PLEKHG4B: variants seen among roughly 807,000 people sequenced by gnomAD.
PLEKHG4B encodes pleckstrin homology and RhoGEF domain containing G4B.
In PLEKHG4B, 111 loss-of-function variants were observed where a neutral mutation model predicts 121.3. That is an observed-to-expected ratio of 0.92 (90% confidence interval 0.78 to 1.07). The LOEUF (loss-of-function observed/expected upper bound fraction) is 1.07, where lower values mean the gene tolerates loss of function less well. PLEKHG4B is among the 50% of genes least tolerant of loss of function. The pLI is 0.00. For missense variants in PLEKHG4B, 1,831 were observed against 1,757.8 expected (o/e 1.04, Z -0.74); for synonymous variants, 738 against 725.0 (o/e 1.02, Z -0.29).
chr5:161,231 C>T (rs986889064), intron 11 of PLEKHG4B, among the ~76,000 whole-genome samples: 1 of 152,264 alleles, frequency 6.6e-6, no homozygotes, highest in Non-Finnish European at 1.5e-5. Flanking sequence ...CCAGGGGCTC[C>T]CCCATCTTTC....
intron 2 of PLEKHG4B, among the ~76,000 whole-genome samples, chr5:126,967 G>A (rs377573291): frequency 2.4e-4 from 36 of 152,294 alleles, no homozygotes; most frequent in African/African-American, 8.2e-4. Flanking sequence ...TACATAGTGT[G>A]CGGGTCGGGG....
chr5:141,749 T>C (rs549220326), intron 3 of PLEKHG4B, among the ~76,000 whole-genome samples: 2 of 147,318 alleles, frequency 1.4e-5, no homozygotes, highest in Admixed American at 6.8e-5. Flanking sequence ...AGAAATATCC[T>C]GTGAGTAACA....
rs1292159443 is a variant in PLEKHG4B at position 183,991 on chromosome 5, C to CGATCGATAGATAGATAGATA, written c.*1671_*1672insCGATAGATAGATAGATAGAT. 6.3e-3 allele frequency: 664 copies of CGATCGATAGATAGATAGATA among 104,696 alleles called. 8 individuals carry two copies. Among genetic ancestry groups the CGATCGATAGATAGATAGATA allele is most frequent in the African/African-American group, 0.018 (614 of 34,216 alleles). The allele number at this position is 104,696 out of a possible 1,614,324, so 6.5% of individuals were successfully genotyped here. ...CAGACAGATAGATAGATAGATAGATCGATAGATAGATAGATAGATAGATAG... is the reference window on the plus strand; with the variant it reads ...CAGACAGATAGATAGATAGATAGATCGATCGATAGATAGATAGATAGATAGATAGATAGATAGATAGATAG... On this transcript the variant is annotated 3_prime_UTR_variant, in exon 20 of 20. Transcript: ENST00000637938.
At chr5:158,536 G>T in intron 11 of PLEKHG4B, among the ~76,000 whole-genome samples, 1 of 143,624 alleles carries the variant, frequency 7.0e-6, no homozygotes, top group Non-Finnish European at 1.5e-5. Context: ...CATCCCAGGG[G>T]GTCTCCCCCA....
chr5:170,705 C>T (rs754119053), intron 14 of PLEKHG4B, among the ~76,000 whole-genome samples: 1 of 152,152 alleles, frequency 6.6e-6, no homozygotes, highest in Non-Finnish European at 1.5e-5. Flanking sequence ...TGGCCATGGA[C>T]CAAATCATTC....
intron 1 of PLEKHG4B, among the ~76,000 whole-genome samples, chr5:105,635 G>A (rs1437645665): frequency 2.6e-5 from 4 of 152,250 alleles, no homozygotes; most frequent in Non-Finnish European, 5.9e-5. Flanking sequence ...CTTTTCGTTT[G>A]AAGTTGGTTT....
At chr5:151,187 C>T (rs575589596) in intron 6 of PLEKHG4B, among the ~76,000 whole-genome samples, 1 of 152,262 alleles carries the variant, frequency 6.6e-6, no homozygotes, top group East Asian at 1.9e-4. Flanking sequence ...CGAAGAGGCA[C>T]AAGAGAATTT....
At position 155,077 on chromosome 5, in the gene PLEKHG4B, G is replaced by T. The variant is rs939859212; in HGVS notation, c.2109+86G>T. Reference sequence around the variant, plus strand: ...TTGTTTTTACTAGAATTTGAAAAGGGCATCACCGTCCCTGATCTGATGCTT... The same window carrying T: ...TTGTTTTTACTAGAATTTGAAAAGGTCATCACCGTCCCTGATCTGATGCTT... On this transcript the variant is annotated intron_variant, in intron 8 of 19. Transcript: ENST00000637938. 5.1e-6 allele frequency: 6 copies of T among 1,173,644 alleles called. No individual in the cohort carries two copies. The African/African-American group carries it at 7.5e-5, about 15-fold the overall frequency. 72.7% of individuals were successfully genotyped at this position (1,173,644 alleles called of 1,614,324 possible). A position where few individuals can be genotyped will look rare whatever the true frequency, so the allele number is the denominator to read the frequency against.
In PLEKHG4B at chr5:140,743, C is replaced by T. The variant is rs376647847; in HGVS notation, c.1477+27C>T. On this transcript the variant is annotated intron_variant, in intron 3 of 19. Transcript: ENST00000637938. ...TAAATGCTCCCCACGCCCTCCCCTGCGCACCCCCACAACCTCCCCTACACA... is the reference window on the plus strand; with the variant it reads ...TAAATGCTCCCCACGCCCTCCCCTGTGCACCCCCACAACCTCCCCTACACA... The T allele has an allele frequency of 4.6e-5, 69 of 1,513,284 alleles. 1 individual carries two copies. Among genetic ancestry groups the T allele is most frequent in the Middle Eastern group, 4.4e-4 (2 of 4,584 alleles). The allele number at this position is 1,513,284 out of a possible 1,614,324, so 93.7% of individuals were successfully genotyped here.
At chr5:150,161 C>G (rs1013741977) in intron 6 of PLEKHG4B, among the ~76,000 whole-genome samples, 7 of 152,184 alleles carry the variant, frequency 4.6e-5, no homozygotes, top group African/African-American at 1.7e-4. Flanking sequence ...CCTATCTTTA[C>G]GATGGAATAT....
Position 182,163 on chromosome 5 carries a change from C to G in PLEKHG4B, c.4724C>G (p.Ala1575Gly), listed in dbSNP as rs114618936. ...SLGLLVSSSP[A>G]HPGLWSPAHS... Reference sequence around the variant, plus strand: ...GGCCTGCTTGTGTCCTCCAGCCCAGCCCACCCGGGCCTATGGAGCCCTGCC... The same window carrying G: ...GGCCTGCTTGTGTCCTCCAGCCCAGGCCACCCGGGCCTATGGAGCCCTGCC... The change falls in exon 20 of 20, where the codon GCC becomes GGC. Residue 1575 changes from alanine to glycine, a missense_variant. By Grantham distance (60) the Ala-to-Gly change is moderately conservative. Transcript: ENST00000637938. 61 of 1,613,890 alleles carry G rather than the reference C, an allele frequency of 3.8e-5. No individual in the cohort carries two copies. In the African/African-American group the frequency reaches 7.7e-4, roughly 20 times the overall value.
intron 11 of PLEKHG4B, among the ~76,000 whole-genome samples, chr5:161,222 C>T (rs1286821172): frequency 2.0e-5 from 3 of 152,268 alleles, no homozygotes; most frequent in African/African-American, 2.4e-5. Context: ...AGGGCTCAGC[C>T]AGGGGCTCCC....
At chr5:117,132 A>T (rs11134399) in intron 2 of PLEKHG4B, among the ~76,000 whole-genome samples, 9,888 of 152,242 alleles carry the variant, frequency 0.065, 449 homozygotes, top group Non-Finnish European at 0.09. Flanking sequence ...TTTAATATGG[A>T]TGCATATTTA....
chr5:172,911 A>T lies in PLEKHG4B; in HGVS notation c.4065A>T (p.Glu1355Asp). The change falls in exon 17 of 20, where the codon GAA (glutamate) becomes GAT (aspartate). Residue 1355 changes from glutamate (E) to aspartate (D), a missense_variant. By Grantham distance (45) the Glu-to-Asp change is conservative (BLOSUM62 2). Transcript: ENST00000637938. The part of the protein sequence containing the change: ...AIRGCDVNLK[E>D]QGQLRCRDEF... ...TTCCTCTGCAGGTGAATTTGAAGGA[A>T]CAGGGGCAGCTGAGATGCCGGGATG... The T allele has an allele frequency of 1.2e-6, 2 of 1,614,168 alleles. No individual in the cohort carries two copies. Among genetic ancestry groups the T allele is most frequent in the Non-Finnish European group, 1.7e-6 (2 of 1,180,014 alleles).
intron 13 of PLEKHG4B, among the ~76,000 whole-genome samples, chr5:166,799 G>A (rs116105469): frequency 5.3e-5 from 8 of 152,358 alleles, no homozygotes; most frequent in African/African-American, 1.9e-4. Context: ...ACACTCTTCT[G>A]AAACACACCT....
chr5:99,170 GTATATATATATATATATATATATATATA>G (rs534174768), intron 1 of PLEKHG4B, among the ~76,000 whole-genome samples: 7 of 100,510 alleles, frequency 7.0e-5, no homozygotes, highest in African/African-American at 1.2e-4. Flanking sequence ...AAAAAAAAGT[GTATATATATATATATATATATATATATA>G]TATATATATA....
At chr5:136,093 G>T (rs549097742) in intron 2 of PLEKHG4B, among the ~76,000 whole-genome samples, 1 of 152,108 alleles carries the variant, frequency 6.6e-6, no homozygotes, top group African/African-American at 2.4e-5. Flanking sequence ...TCAATCAATG[G>T]TGCTTAGAAA....
rs1041762786 is a variant in PLEKHG4B, at chr5:156,719, G to T, written c.2349-54G>T. On this transcript the variant is annotated intron_variant, in intron 10 of 19. Coordinates refer to ENST00000637938, the MANE Select transcript of PLEKHG4B (RefSeq NM_052909.5). This position sits in a 1 kb window ranked among gnomAD's most constrained non-coding sequence, Gnocchi z 4.4. Reference sequence around the variant, plus strand: ...TTTTTATATGGGGTTGTCACCAAGAGCAGATTCCTCAAGGGGCCGCCTGGA... The same window carrying T: ...TTTTTATATGGGGTTGTCACCAAGATCAGATTCCTCAAGGGGCCGCCTGGA... 2.0e-6 allele frequency: 3 copies of T among 1,515,728 alleles called. No homozygotes were observed. In the East Asian group the frequency reaches 7.4e-5, roughly 38 times the overall value. 93.9% of individuals were successfully genotyped at this position (1,515,728 alleles called of 1,614,324 possible). A position where few individuals can be genotyped will look rare whatever the true frequency, so the allele number is the denominator to read the frequency against.
chr5:168,802 A>G (rs932873488), intron 13 of PLEKHG4B, among the ~76,000 whole-genome samples: 1 of 151,880 alleles, frequency 6.6e-6, no homozygotes, highest in African/African-American at 2.4e-5. Context: ...ACAGGGAGAG[A>G]ATGAGTGGAG....
Sources: gnomAD v4.1 joint callset for allele counts (sites outside exome capture counted in the v4.1 genomes callset) on GRCh38, gnomAD v4.1.1 for gene constraint, Gnocchi (gnomAD v3.1) non-coding constraint, MANE v1.5 for transcripts, NCBI Gene and HGNC (gene_info 2026-07-23, HGNC 2026-07-21) for gene names.